The following HSD11B2 variants were observed in gnomAD, a reference collection of about 807,000 sequenced individuals.
The protein encoded by HSD11B2 is hydroxysteroid 11-beta dehydrogenase 2, also known as 11-beta-hydroxysteroid dehydrogenase type 2.
A neutral mutation model predicts 20.9 loss-of-function variants in HSD11B2; 17 were observed. That is an observed-to-expected ratio of 0.81 (90% CI 0.56 to 1.22). The LOEUF is 1.22. Among genes scored for constraint, HSD11B2 ranks in the 50% most tolerant of loss-of-function variants. The pLI, the probability that HSD11B2 is intolerant of heterozygous loss-of-function variation, is 0.00. For missense variants in HSD11B2, 480 were observed against 563.6 expected, an observed-to-expected ratio of 0.85 and a Z score of 1.50; for synonymous variants, 253 against 255.4, an observed-to-expected ratio of 0.99 and a Z score of 0.09.
Position 67,436,247 on chromosome 16 carries a change from AG to A in HSD11B2, c.667del. 1 of 1,613,986 alleles carries A rather than the reference AG, an allele frequency of 6.2e-7. No individual in the cohort carries two copies. The highest frequency in any genetic ancestry group is 8.5e-7 in the Non-Finnish European group (1 of 1,180,008). On this transcript the variant is annotated splice_acceptor_variant, in intron 3 of 4. Transcript: ENST00000326152. LOFTEE classifies it high-confidence loss of function. This position sits in a 1 kb window ranked among gnomAD's most constrained non-coding sequence, Gnocchi z 5.7. Reference sequence around the variant, plus strand: ...GCTGCCCCACTCCCAATCCATCCGCAGGGGACATGCCATATCCGTGCTTGGG... The same window carrying A: ...GCTGCCCCACTCCCAATCCATCCGCAGGGACATGCCATATCCGTGCTTGGG...
At position 67,431,334 on chromosome 16, in the gene HSD11B2, G is replaced by T. The variant is rs2040931436; in HGVS notation, c.86G>T (p.Arg29Leu). 2.4e-6 allele frequency: 3 copies of T among 1,248,618 alleles called. No individual in the cohort carries two copies. The highest frequency in any genetic ancestry group is 3.0e-6 in the Non-Finnish European group (3 of 986,446). 77.3% of individuals were successfully genotyped at this position (1,248,618 alleles called of 1,614,324 possible). A position where few individuals can be genotyped will look rare whatever the true frequency, so the allele number is the denominator to read the frequency against. ...ALLQLLRSDL[R>L]LGRPLLAALA... ...CTGCAGCTGCTGCGCTCAGACCTGC[G>T]TCTGGGCCGCCCGCTGCTGGCGGCG... Residue 29 changes from arginine (R) to leucine (L), a missense_variant, in exon 1 of 5, where the codon CGT (arginine) becomes CTT (leucine). Transcript: ENST00000326152.
In HSD11B2 at chr16:67,431,300, C is replaced by T. The variant is rs556122396; in HGVS notation, c.52C>T (p.Arg18Cys). The change falls in exon 1 of 5, where the codon CGC (arginine) becomes TGC (cysteine). Residue 18 changes from arginine (R) to cysteine (C), a missense_variant. Arg to Cys is a radical substitution (Grantham distance 180, BLOSUM62 -3). This residue lies in a region of HSD11B2 where 106 missense variants were observed against 82.8 expected (regional missense o/e 1.28). Coordinates refer to ENST00000326152, the MANE Select transcript of HSD11B2 (RefSeq NM_000196.4). Reference protein sequence around the residue: ...SGGAWLLVAARALLQLLRSDL... With the variant: ...SGGAWLLVAACALLQLLRSDL... ...CGGCGCCTGGCTGCTCGTGGCTGCC[C>T]GCGCGCTGCTGCAGCTGCTGCGCTC... The T allele has an allele frequency of 1.7e-5, 21 of 1,264,368 alleles. No homozygotes were observed. In the Admixed American group the frequency reaches 2.1e-4, roughly 13 times the overall value. The allele number at this position is 1,264,368 out of a possible 1,614,324, so 78.3% of individuals were successfully genotyped here. A position where few individuals can be genotyped will look rare whatever the true frequency, so the allele number is the denominator to read the frequency against.
Position 67,431,247 on chromosome 16 carries a change from C to A in HSD11B2, c.-2C>A. On this transcript the variant is annotated 5_prime_UTR_variant, in exon 1 of 5. Transcript: ENST00000326152. ...CGCCCCGCCCCAGCCCGCTGGGCCG[C>A]CATGGAGCGCTGGCCTTGGCCGTCG... 2 of 1,231,330 alleles carry A rather than the reference C, an allele frequency of 1.6e-6. No homozygotes were observed. The highest frequency in any genetic ancestry group is 2.0e-6 in the Non-Finnish European group (2 of 979,950). 76.3% of individuals were successfully genotyped at this position (1,231,330 alleles called of 1,614,324 possible). A position where few individuals can be genotyped will look rare whatever the true frequency, so the allele number is the denominator to read the frequency against.
chr16:67,436,677 G>T lies in HSD11B2; in HGVS notation c.892G>T (p.Asp298Tyr). The T allele has an allele frequency of 6.2e-7, 1 of 1,614,190 alleles. No individual in the cohort carries two copies. The highest frequency in any genetic ancestry group is 8.5e-7 in the Non-Finnish European group (1 of 1,180,028). ...PQELLQAYGKDYIEHLHGQFL... is the reference protein window; with the variant it reads ...PQELLQAYGKYYIEHLHGQFL... Reference sequence around the variant, plus strand: ...AGAGCTGCTGCAGGCCTACGGCAAGGACTACATCGAGCACTTGCATGGGCA... The same window carrying T: ...AGAGCTGCTGCAGGCCTACGGCAAGTACTACATCGAGCACTTGCATGGGCA... The change falls in exon 5 of 5, where the codon GAC becomes TAC. Residue 298 changes from aspartate (D) to tyrosine (Y), a missense_variant. By Grantham distance (160) the Asp-to-Tyr change is radical (BLOSUM62 -3). Around this residue, in one of 2 missense-constraint regions of HSD11B2, gnomAD observed 374 missense variants for 480.9 expected, o/e 0.78. Coordinates refer to ENST00000326152, the MANE Select transcript of HSD11B2 (RefSeq NM_000196.4). This position sits in a 1 kb window ranked among gnomAD's most constrained non-coding sequence, Gnocchi z 5.7.
Position 67,435,751 on chromosome 16 carries a change from C to A in HSD11B2, c.389C>A (p.Pro130His). The A allele has an allele frequency of 1.2e-6, 2 of 1,614,100 alleles. No individual in the cohort carries two copies. The highest frequency in any genetic ancestry group is 1.7e-6 in the Non-Finnish European group (2 of 1,180,020). ...ATCGAGCTGCGTACCTGCTGCTCCC[C>A]TCGCCTAAGGCTGCTGCAGATGGAC... is the stretch of plus-strand genomic sequence containing the variant. ...GAIELRTCCS[P>H]RLRLLQMDLT... Residue 130 changes from proline to histidine, a missense_variant, in exon 2 of 5, where the codon CCT becomes CAT. Coordinates refer to ENST00000326152, the MANE Select transcript of HSD11B2 (RefSeq NM_000196.4).
At position 67,431,526 on chromosome 16, in the gene HSD11B2, GT is replaced by G. The variant is rs1179211473; in HGVS notation, c.265+14del. The G allele has an allele frequency of 7.3e-7, 1 of 1,364,522 alleles. No homozygotes were observed. The highest frequency in any genetic ancestry group is 9.4e-7 in the Non-Finnish European group (1 of 1,058,912). 84.5% of individuals were successfully genotyped at this position (1,364,522 alleles called of 1,614,324 possible). On this transcript the variant is annotated intron_variant, in intron 1 of 4. Transcript: ENST00000326152. Reference sequence around the variant, plus strand: ...GTGCTCATCACCGGTGAGTGCGCGGGTCGCGGAGCGCGGGGACTCCAGGCTC... The same window carrying G: ...GTGCTCATCACCGGTGAGTGCGCGGGCGCGGAGCGCGGGGACTCCAGGCTC...
rs72650118 is a variant in HSD11B2 at position 67,435,801 on chromosome 16, C to T, written c.439C>T (p.Arg147Cys). 5.0e-6 allele frequency: 8 copies of T among 1,613,890 alleles called. No homozygotes were observed. The highest frequency in any genetic ancestry group is 1.6e-4 in the Middle Eastern group (1 of 6,084). ...MDLTKPGDISRVLEFTKAHTT... is the reference protein window; with the variant it reads ...MDLTKPGDISCVLEFTKAHTT... ...CCTGACCAAACCAGGAGACATTAGCCGCGTGCTAGAGTTCACCAAGGCCCA... is the reference window on the plus strand; with the variant it reads ...CCTGACCAAACCAGGAGACATTAGCTGCGTGCTAGAGTTCACCAAGGCCCA... The change falls in exon 2 of 5, where the codon CGC becomes TGC. Residue 147 changes from arginine to cysteine, a missense_variant. Transcript: ENST00000326152.
Position 67,436,972 on chromosome 16 carries a change from G to A in HSD11B2, c.1187G>A (p.Ser396Asn), listed in dbSNP as rs552658636. 2 of 1,610,574 alleles carry A rather than the reference G, an allele frequency of 1.2e-6. No homozygotes were observed. Among genetic ancestry groups the A allele is most frequent in the East Asian group, 4.5e-5 (2 of 44,884 alleles). Reference protein sequence around the residue: ...PQDAAQDPNLSPGPSPAVAR With the variant: ...PQDAAQDPNLNPGPSPAVAR ...GACGCAGCCCAGGACCCAAACCTGA[G>A]CCCCGGCCCTTCCCCAGCAGTGGCT... The change falls in exon 5 of 5, where the codon AGC becomes AAC. Residue 396 changes from serine (S) to asparagine (N), a missense_variant. Coordinates refer to ENST00000326152, the MANE Select transcript of HSD11B2 (RefSeq NM_000196.4). This position sits in a 1 kb window ranked among gnomAD's most constrained non-coding sequence, Gnocchi z 5.7.
At chr16:67,433,902 A>T (rs913815270) in intron 1 of HSD11B2, among the ~76,000 whole-genome samples, 15 of 142,500 alleles carry the variant, frequency 1.1e-4, no homozygotes, top group Non-Finnish European at 1.7e-4. Flanking sequence ...CTTCTGTTCC[A>T]GAAGATGGGG....
At position 67,431,324 on chromosome 16, in the gene HSD11B2, T is replaced by C; in HGVS notation, c.76T>C (p.Ser26Pro). Residue 26 changes from serine (S) to proline (P), a missense_variant, in exon 1 of 5, where the codon TCA becomes CCA. Coordinates refer to ENST00000326152, the MANE Select transcript of HSD11B2 (RefSeq NM_000196.4). ...AARALLQLLR[S>P]DLRLGRPLLA... Reference sequence around the variant, plus strand: ...CCGCGCGCTGCTGCAGCTGCTGCGCTCAGACCTGCGTCTGGGCCGCCCGCT... The same window carrying C: ...CCGCGCGCTGCTGCAGCTGCTGCGCCCAGACCTGCGTCTGGGCCGCCCGCT... The C allele has an allele frequency of 7.9e-7, 1 of 1,258,260 alleles. No individual in the cohort carries two copies. 77.9% of individuals were successfully genotyped at this position (1,258,260 alleles called of 1,614,324 possible).
chr16:67,433,148 T>C (rs1193343426), intron 1 of HSD11B2: 1 of 152,028 alleles, frequency 6.6e-6, no homozygotes, highest in Non-Finnish European at 1.5e-5. Context: ...AAAGCTGGGG[T>C]TGGGGGAGAG....
At position 67,437,244 on chromosome 16, in the gene HSD11B2, C is replaced by G; in HGVS notation, c.*241C>G. ...GCCCAAACACCCTCCTGGCACAACG[C>G]TCTACCCTGCAGCTTGGAGAACTCC... is the stretch of plus-strand genomic sequence containing the variant. On this transcript the variant is annotated 3_prime_UTR_variant, in exon 5 of 5. Coordinates refer to ENST00000326152, the MANE Select transcript of HSD11B2 (RefSeq NM_000196.4). 1.7e-6 allele frequency: 1 copy of G among 593,530 alleles called. No homozygotes were observed. The highest frequency in any genetic ancestry group is 3.0e-6 in the Non-Finnish European group (1 of 332,414). 36.8% of individuals were successfully genotyped at this position (593,530 alleles called of 1,614,324 possible).
rs34076422 is a variant in HSD11B2, at chr16:67,433,727, C to CAT, written c.266-1898_266-1897dup. Among the ~76,000 whole-genome samples, 3 of 115,226 alleles carry CAT rather than the reference C, an allele frequency of 2.6e-5. No individual in the cohort carries two copies. In the East Asian group the frequency reaches 6.0e-4, roughly 23 times the overall value. The allele number at this position is 115,226 out of a possible 152,430, so 75.6% of individuals were successfully genotyped here. ...ACACACACACACACACACACACACA[C>CAT]ATATGCTTGCCTCCCTCTCCAAGGC... On this transcript the variant is annotated intron_variant, in intron 1 of 4. Coordinates refer to ENST00000326152, the MANE Select transcript of HSD11B2 (RefSeq NM_000196.4).
rs1055551709 is a variant in HSD11B2 at position 67,431,127 on chromosome 16, G to A, written c.-122G>A. On this transcript the variant is annotated 5_prime_UTR_variant, in exon 1 of 5. Coordinates refer to ENST00000326152, the MANE Select transcript of HSD11B2 (RefSeq NM_000196.4). Reference sequence around the variant, plus strand: ...CGGCCCGAGGGCGAGCAGAGAAAGCGAGTGTCCCTCTCGCGCCCCAGGCCG... The same window carrying A: ...CGGCCCGAGGGCGAGCAGAGAAAGCAAGTGTCCCTCTCGCGCCCCAGGCCG... 6.8e-4 allele frequency: 237 copies of A among 346,182 alleles called. No homozygotes were observed. Among genetic ancestry groups the A allele is most frequent in the Non-Finnish European group, 8.8e-4 (215 of 244,328 alleles). 21.4% of individuals were successfully genotyped at this position (346,182 alleles called of 1,614,324 possible). A position where few individuals can be genotyped will look rare whatever the true frequency, so the allele number is the denominator to read the frequency against.
At position 67,437,026 on chromosome 16, in the gene HSD11B2, C is replaced by A; in HGVS notation, c.*23C>A. 6.2e-7 allele frequency: 1 copy of A among 1,603,722 alleles called. No homozygotes were observed. Among genetic ancestry groups the A allele is most frequent in the African/African-American group, 1.3e-5 (1 of 75,028 alleles). On this transcript the variant is annotated 3_prime_UTR_variant, in exon 5 of 5. Transcript: ENST00000326152. ...TGAGCCATGTGCACCTATGGCCCAG[C>A]CACTGCAGCACAGGAGGCTCCGTGA...
At chr16:67,431,534 G>A in intron 1 of HSD11B2, 21 bp downstream of exon 1, 1 of 1,355,650 alleles carries the variant, frequency 7.4e-7, no homozygotes, top group Non-Finnish European at 9.5e-7. Flanking sequence ...GGGTCGCGGA[G>A]CGCGGGGACT....
upstream of HSD11B2, among the ~76,000 whole-genome samples, chr16:67,429,969 A>T (rs2040917559): frequency 6.6e-6 from 1 of 152,132 alleles, no homozygotes; most frequent in Non-Finnish European, 1.5e-5. Flanking sequence ...GAGGGCAGGG[A>T]TGAGGCACTG....
intron 1 of HSD11B2, chr16:67,433,088 T>A (rs2040944701): frequency 6.6e-6 from 1 of 151,810 alleles, no homozygotes; most frequent in African/African-American, 2.4e-5. Context: ...GAGAGAGAGG[T>A]GAGAGGAAGG....
At position 67,435,994 on chromosome 16, in the gene HSD11B2, A is replaced by G. The variant is rs752793148; in HGVS notation, c.516A>G (p.Glu172=). ...TCGTCAACAACGCAGGCCACAATGAAGTAGTTGCTGATGCGGAGCTGTCTC... is the reference window on the plus strand; with the variant it reads ...TCGTCAACAACGCAGGCCACAATGAGGTAGTTGCTGATGCGGAGCTGTCTC... ...WGLVNNAGHN[E]VVADAELSPV... is the part of the protein sequence containing the mutation. Residue 172 remains glutamate, a synonymous_variant, in exon 3 of 5, where the codon GAA becomes GAG. Coordinates refer to ENST00000326152, the MANE Select transcript of HSD11B2 (RefSeq NM_000196.4). 3 of 1,614,176 alleles carry G rather than the reference A, an allele frequency of 1.9e-6. No individual in the cohort carries two copies. The South Asian group carries it at 3.3e-5, about 18-fold the overall frequency.
Sources: allele counts gnomAD v4.1 joint callset (sites outside exome capture counted in the v4.1 genomes callset), GRCh38; gene constraint gnomAD v4.1.1; regional missense constraint gnomAD v4.1.1; non-coding constraint Gnocchi (gnomAD v3.1); transcripts MANE v1.5; gene names NCBI Gene and HGNC (gene_info 2026-07-23, HGNC 2026-07-21).